Variants in CTNNA2 observed in about 807,000 individuals in gnomAD.
CTNNA2 encodes the protein catenin alpha-2.
A neutral mutation model predicts 101.0 loss-of-function variants in CTNNA2; 42 were observed. The observed-to-expected ratio is 0.42, with a 90% CI of 0.32 to 0.54. The LOEUF is 0.54. Among genes scored for constraint, CTNNA2 ranks in the 20% least tolerant of loss-of-function variants. The pLI is 0.14. For synonymous variants in CTNNA2, 450 were observed against 456.4 expected (o/e 0.99, Z 0.18); for missense variants, 871 against 1,223.1 (o/e 0.71, Z 4.29).
At chr2:80,199,908 TTCTC>T (rs1184892243) in intron 7 of CTNNA2, among the ~76,000 whole-genome samples, 1 of 152,120 alleles carries the variant, frequency 6.6e-6, no homozygotes, top group African/African-American at 2.4e-5. Flanking sequence ...CTATGTCCTG[TTCTC>T]TCTCTCTCAG....
At chr2:79,634,346 T>G (rs1392216961) in intron 1 of CTNNA2, among the ~76,000 whole-genome samples, 1 of 152,230 alleles carries the variant, frequency 6.6e-6, no homozygotes, top group Non-Finnish European at 1.5e-5. Context: ...CAAATACCTT[T>G]AGATGCAACT....
In CTNNA2 at chr2:79,926,269, T is replaced by C. The variant is rs149946948; in HGVS notation, c.1056+16472T>C. On this transcript the variant is annotated intron_variant, in intron 7 of 18. Transcript: ENST00000402739. Reference sequence around the variant, plus strand: ...AGGTGAAGAATAGCATGCTGTCTTATAGAGTACGATACTAGAACTCTTGGC... The same window carrying C: ...AGGTGAAGAATAGCATGCTGTCTTACAGAGTACGATACTAGAACTCTTGGC... Among the ~76,000 whole-genome samples, 177 of 152,282 alleles carry C rather than the reference T, an allele frequency of 1.2e-3. 3 individuals are homozygous for C. In the East Asian group the frequency reaches 0.027, roughly 23 times the overall value.
intron 7 of CTNNA2, among the ~76,000 whole-genome samples, chr2:80,208,215 T>C (rs554892909): frequency 6.6e-6 from 1 of 152,248 alleles, no homozygotes. Context: ...AAGATCATTA[T>C]GACTTCTTTT....
chr2:80,391,120 C>T (rs1041701484), intron 7 of CTNNA2, among the ~76,000 whole-genome samples: 7 of 141,012 alleles, frequency 5.0e-5, no homozygotes, highest in Non-Finnish European at 7.6e-5. Flanking sequence ...TGACAGAGCA[C>T]GACTGTCTCA....
chr2:79,534,745 TC>T (rs1672951845), intron 1 of CTNNA2, among the ~76,000 whole-genome samples: 1 of 152,126 alleles, frequency 6.6e-6, no homozygotes, highest in Non-Finnish European at 1.5e-5. Context: ...ACAACATTTT[TC>T]TTGACTTTGT....
chr2:79,907,986 C>T (rs934324781), intron 6 of CTNNA2, among the ~76,000 whole-genome samples: 1 of 152,184 alleles, frequency 6.6e-6, no homozygotes, highest in Non-Finnish European at 1.5e-5. Context: ...TAACAGGAAT[C>T]AGAGAATTGG....
intron 3 of CTNNA2, among the ~76,000 whole-genome samples, chr2:79,801,209 G>A (rs1380749872): frequency 6.6e-6 from 1 of 152,156 alleles, no homozygotes; most frequent in East Asian, 1.9e-4. Context: ...CTCCCTCATT[G>A]TCTTCAGCCA....
intron 5 of CTNNA2, among the ~76,000 whole-genome samples, chr2:79,872,767 C>G (rs1682691470): frequency 6.6e-6 from 1 of 152,162 alleles, no homozygotes; most frequent in Admixed American, 6.5e-5. Flanking sequence ...CCAGGTCATT[C>G]ATCTATCATG....
At chr2:79,189,982 T>A (rs1673831609) in intron 1 of CTNNA2, among the ~76,000 whole-genome samples, 1 of 152,112 alleles carries the variant, frequency 6.6e-6, no homozygotes, top group Non-Finnish European at 1.5e-5. Flanking sequence ...AGGGGAAAAT[T>A]AAGGCACAAT....
At chr2:80,486,474 A>C (rs1228882534) in intron 9 of CTNNA2, among the ~76,000 whole-genome samples, 1 of 152,210 alleles carries the variant, frequency 6.6e-6, no homozygotes, top group Non-Finnish European at 1.5e-5. Context: ...TAAGTAGTAC[A>C]TGTTCATTAT....
intron 2 of CTNNA2, among the ~76,000 whole-genome samples, chr2:79,240,253 G>A (rs1340607585): frequency 6.6e-6 from 1 of 151,106 alleles, no homozygotes; most frequent in African/African-American, 2.4e-5. Context: ...TGGGGTACAT[G>A]TGCAGATGTT....
intron 6 of CTNNA2, among the ~76,000 whole-genome samples, chr2:79,898,301 GT>G (rs1286770473): frequency 2.0e-5 from 3 of 151,206 alleles, no homozygotes; most frequent in South Asian, 2.1e-4. Context: ...GCCCAGGTAA[GT>G]TTTTTTTTAT....
chr2:79,324,662 A>G (rs1360298398), intron 3 of CTNNA2, among the ~76,000 whole-genome samples: 1 of 152,084 alleles, frequency 6.6e-6, no homozygotes, highest in Non-Finnish European at 1.5e-5. Context: ...CTATGCCCCC[A>G]GGAACTGTGG....
intron 2 of CTNNA2, among the ~76,000 whole-genome samples, chr2:79,672,708 CTT>C (rs768344475): frequency 9.7e-5 from 13 of 134,296 alleles, no homozygotes; most frequent in Non-Finnish European, 1.1e-4. Context: ...TTTCTTTTTT[CTT>C]TTTTTTTTTT....
At chr2:80,102,238 G>A (rs757550215) in intron 7 of CTNNA2, among the ~76,000 whole-genome samples, 1 of 152,268 alleles carries the variant, frequency 6.6e-6, no homozygotes, top group Admixed American at 6.5e-5. Flanking sequence ...TCCCAGAATT[G>A]CTGTCTGATT....
chr2:79,967,367 C>T (rs2104557200), intron 7 of CTNNA2, among the ~76,000 whole-genome samples: 1 of 152,230 alleles, frequency 6.6e-6, no homozygotes, highest in South Asian at 2.1e-4. Flanking sequence ...ACCTGCAGGT[C>T]CTGTAGTCTT....
intron 2 of CTNNA2, among the ~76,000 whole-genome samples, chr2:79,712,229 C>T (rs1344044494): frequency 6.6e-6 from 1 of 152,170 alleles, no homozygotes; most frequent in Non-Finnish European, 1.5e-5. Context: ...TTCCAAATAT[C>T]ACACTGTTTG....
At chr2:79,526,067 C>T (rs72921167) in intron 1 of CTNNA2, among the ~76,000 whole-genome samples, 3,403 of 152,046 alleles carry the variant, frequency 0.022, 132 homozygotes, top group African/African-American at 0.079. Context: ...TTTTATCTTA[C>T]AGTTGCAGAG....
At chr2:80,537,504 TC>T (rs1691143142) in intron 9 of CTNNA2, among the ~76,000 whole-genome samples, 1 of 152,204 alleles carries the variant, frequency 6.6e-6, no homozygotes, top group Non-Finnish European at 1.5e-5. Context: ...AGCCACACTG[TC>T]TTCCACAATG....
Sources: gnomAD v4.1 joint callset for allele counts (sites outside exome capture counted in the v4.1 genomes callset) on GRCh38, gnomAD v4.1.1 for gene constraint, MANE v1.5 for transcripts, NCBI Gene and HGNC (gene_info 2026-07-23, HGNC 2026-07-21) for gene names.